The following BLTP1 variants were observed in gnomAD, a reference collection of about 807,000 sequenced individuals.
BLTP1 encodes the protein bridge-like lipid transfer protein family member 1.
chr4:122,207,856 T>C, the BLTP1 span: 1 of 980,868 alleles, frequency 1.0e-6, no homozygotes, highest in Non-Finnish European at 1.2e-6. Flanking sequence ...TATCTCAAGT[T>C]GATTATTTTC....
chr4:122,301,412 A>C, the BLTP1 span: 1 of 1,472,790 alleles, frequency 6.8e-7, no homozygotes, highest in Non-Finnish European at 9.2e-7. Context: ...CATAAATATA[A>C]TGATACTTTT....
chr4:122,320,805 G>A, the BLTP1 span, among the ~76,000 whole-genome samples: 1 of 150,342 alleles, frequency 6.7e-6, no homozygotes, highest in Non-Finnish European at 1.5e-5. Context: ...AGTGATTAAT[G>A]ATAGCTTTGA....
At chr4:122,276,939 G>A in the BLTP1 span, 1 of 985,308 alleles carries the variant, frequency 1.0e-6, no homozygotes, top group Non-Finnish European at 1.2e-6. Flanking sequence ...ATATCTTTGA[G>A]ACTATAAATA....
At chr4:122,189,225 C>T in the BLTP1 span, 2 of 838,414 alleles carry the variant, frequency 2.4e-6, no homozygotes, top group Admixed American at 6.2e-5. Flanking sequence ...TGATTTAATA[C>T]ATATTTAGAA....
chr4:122,311,763 A>C, the BLTP1 span, among the ~76,000 whole-genome samples: 1 of 152,214 alleles, frequency 6.6e-6, no homozygotes, highest in African/African-American at 2.4e-5. Context: ...ATAAACCATC[A>C]GAAGTTTAGA....
chr4:122,209,936 T>C, the BLTP1 span: 1 of 1,610,696 alleles, frequency 6.2e-7, no homozygotes, highest in Non-Finnish European at 8.5e-7. Flanking sequence ...TAAGTGTTTT[T>C]ATATAATTTG....
chr4:122,176,428 C>A, the BLTP1 span, among the ~76,000 whole-genome samples: 1 of 151,860 alleles, frequency 6.6e-6, no homozygotes, highest in African/African-American at 2.4e-5. Flanking sequence ...TCACATTTTA[C>A]CAAAATTAAT....
the BLTP1 span, chr4:122,331,814 T>A: frequency 3.2e-6 from 3 of 943,696 alleles, no homozygotes; most frequent in Non-Finnish European, 3.8e-6. Flanking sequence ...TTAACACACA[T>A]GAATTTCTCA....
the BLTP1 span, among the ~76,000 whole-genome samples, chr4:122,361,645 A>T: frequency 6.6e-6 from 1 of 152,204 alleles, no homozygotes; most frequent in South Asian, 2.1e-4. Flanking sequence ...TCTCCCTTCA[A>T]ATATGTTTAG....
chr4:122,285,076 A>G, the BLTP1 span, among the ~76,000 whole-genome samples: 2 of 152,198 alleles, frequency 1.3e-5, no homozygotes, highest in Non-Finnish European at 2.9e-5. Flanking sequence ...ATTAGAGTCC[A>G]GGGCTGACAA....
At chr4:122,278,390 A>G in the BLTP1 span, among the ~76,000 whole-genome samples, 1 of 152,176 alleles carries the variant, frequency 6.6e-6, no homozygotes, top group Non-Finnish European at 1.5e-5. Context: ...CCAAATTAAG[A>G]CTGTGAAATG....
chr4:122,271,943 A>G, the BLTP1 span, among the ~76,000 whole-genome samples: 2 of 152,098 alleles, frequency 1.3e-5, no homozygotes, highest in Non-Finnish European at 2.9e-5. Context: ...TTCTTAAAGG[A>G]TTTAGACAGA....
the BLTP1 span, chr4:122,261,943 T>G: frequency 1.0e-6 from 1 of 985,206 alleles, no homozygotes; most frequent in South Asian, 4.7e-5. Context: ...GTTAAGACAT[T>G]TAAGGGCTTC....
the BLTP1 span, among the ~76,000 whole-genome samples, chr4:122,311,949 GATCTACATCTAAAA>G: frequency 2.0e-5 from 3 of 152,138 alleles, no homozygotes; most frequent in African/African-American, 7.2e-5. Context: ...TCAGGATTCA[GATCTACATCTAAAA>G]ATCGTAATAT....
At chr4:122,222,294 G>T in the BLTP1 span, among the ~76,000 whole-genome samples, 1 of 152,004 alleles carries the variant, frequency 6.6e-6, no homozygotes, top group Non-Finnish European at 1.5e-5. Context: ...TACTCCCAAG[G>T]CTCAAATCTG....
the BLTP1 span, chr4:122,318,062 G>C: frequency 6.5e-6 from 9 of 1,377,764 alleles, no homozygotes; most frequent in Non-Finnish European, 7.8e-6. Context: ...TTGGTATTCT[G>C]ACAAGAATTA....
At chr4:122,345,120 A>C in the BLTP1 span, 2 of 729,012 alleles carry the variant, frequency 2.7e-6, no homozygotes, top group South Asian at 1.2e-4. Flanking sequence ...ATGTTCACTT[A>C]ACCCAATATT....
chr4:122,169,951 G>A, the BLTP1 span: 1 of 985,252 alleles, frequency 1.0e-6, no homozygotes. Flanking sequence ...TTTGGGACAA[G>A]TCTGGATGAA....
At chr4:122,172,942 C>T in the BLTP1 span, 1 of 1,578,144 alleles carries the variant, frequency 6.3e-7, no homozygotes, top group South Asian at 1.2e-5. Context: ...TATAATCAAC[C>T]TCTGGTTTTA....
Sources: gnomAD v4.1 joint callset for allele counts (sites outside exome capture counted in the v4.1 genomes callset) on GRCh38, gnomAD v4.1.1 for gene constraint, MANE v1.5 for transcripts, NCBI Gene and HGNC (gene_info 2026-07-23, HGNC 2026-07-21) for gene names.